Variants in OR11H2 observed in about 807,000 individuals in gnomAD.
OR11H2 encodes olfactory receptor family 11 subfamily H member 2.
For missense variants in OR11H2, 82 were observed against 370.0 expected (o/e 0.22, Z 6.39); for synonymous variants, 35 against 135.6 (o/e 0.26, Z 5.15).
At position 19,713,577 on chromosome 14, in the gene OR11H2, G is replaced by C; in HGVS notation, c.307C>G (p.Leu103Val). The C allele has an allele frequency of 2.0e-6, 3 of 1,524,498 alleles. No homozygotes were observed. The highest frequency in any genetic ancestry group is 2.3e-5 in the East Asian group (1 of 43,718). 94.4% of individuals were successfully genotyped at this position (1,524,498 alleles called of 1,614,324 possible). Residue 103 changes from leucine (L) to valine (V), a missense_variant, in exon 1 of 1, where the codon CTC (leucine) becomes GTC (valine). Transcript: ENST00000556246. ...AAAGAGAAGAAGAAATAAAACTGGA[G>C]AAAACATCCAGCAAAGGAGATGTTT... ...KKNISFAGCF[L>V]QFYFFFSLGT...
Position 19,713,106 on chromosome 14 carries a change from T to A in OR11H2, c.778A>T (p.Met260Leu), listed in dbSNP as rs777481500. 3 of 1,468,828 alleles carry A rather than the reference T, an allele frequency of 2.0e-6. No homozygotes were observed. The South Asian group carries it at 3.7e-5, about 18-fold the overall frequency. 91.0% of individuals were successfully genotyped at this position (1,468,828 alleles called of 1,614,324 possible). Residue 260 changes from methionine (M) to leucine (L), a missense_variant, in exon 1 of 1, where the codon ATG becomes TTG. By Grantham distance (15) the Met-to-Leu change is conservative. Transcript: ENST00000556246. ...AVVSLCYSPL[M>L]VMYVSPGLGH... ...AGTCCTGGGCTCACATACATGACCA[T>A]AAGAGGGCTATAGCACAGTGATACC...
At position 19,713,308 on chromosome 14, in the gene OR11H2, A is replaced by G. The variant is rs569474015; in HGVS notation, c.576T>C (p.Asp192=). The change falls in exon 1 of 1, where the codon GAT becomes GAC. Residue 192 remains aspartate (D), a synonymous_variant. Transcript: ENST00000556246. The stretch of plus-strand genomic sequence containing the variant: ...GTTGGATTCTTGGGGCAGAAACACA[A>G]TCCAATGCAAATAGTGGCCCTGGGT... ...VCDPGPLFAL[D]CVSAPRIQLF... is the part of the protein sequence containing the mutation. 1.6e-5 allele frequency: 26 copies of G among 1,611,554 alleles called. No homozygotes were observed. The East Asian group carries it at 5.8e-4, about 36-fold the overall frequency.
In OR11H2 at chr14:19,713,311, C is replaced by G. The variant is rs1424152183; in HGVS notation, c.573G>C (p.Leu191Phe). 6.2e-7 allele frequency: 1 copy of G among 1,611,354 alleles called. No individual in the cohort carries two copies. The highest frequency in any genetic ancestry group is 8.5e-7 in the Non-Finnish European group (1 of 1,179,764). ...VVCDPGPLFALDCVSAPRIQL... is the reference protein window; with the variant it reads ...VVCDPGPLFAFDCVSAPRIQL... Reference sequence around the variant, plus strand: ...GGATTCTTGGGGCAGAAACACAATCCAATGCAAATAGTGGCCCTGGGTCAC... The same window carrying G: ...GGATTCTTGGGGCAGAAACACAATCGAATGCAAATAGTGGCCCTGGGTCAC... Residue 191 changes from leucine (L) to phenylalanine (F), a missense_variant, in exon 1 of 1, where the codon TTG becomes TTC. Transcript: ENST00000556246.
chr14:19,713,360 G>C lies in OR11H2; in HGVS notation c.524C>G (p.Pro175Arg), dbSNP rs747116769. 6.2e-7 allele frequency: 1 copy of C among 1,611,132 alleles called. No homozygotes were observed. Among genetic ancestry groups the C allele is most frequent in the South Asian group, 1.1e-5 (1 of 90,966 alleles). The change falls in exon 1 of 1, where the codon CCA becomes CGA. Residue 175 changes from proline to arginine, a missense_variant. Physicochemically the swap from Pro to Arg is moderately radical, Grantham distance 103. Coordinates refer to ENST00000556246, the MANE Select transcript of OR11H2 (RefSeq NM_001197287.2). The stretch of plus-strand genomic sequence containing the variant: ...ACACACAACATGGTCAATAATGTTT[G>C]GGCCACAGAAGGGCTTCTGAGAGAT... ...VLISQKPFCG[P>R]NIIDHVVCDP...
At position 19,713,332 on chromosome 14, in the gene OR11H2, G is replaced by A. The variant is rs536890306; in HGVS notation, c.552C>T (p.Asp184=). Residue 184 remains aspartate, a synonymous_variant, in exon 1 of 1, where the codon GAC becomes GAT. Coordinates refer to ENST00000556246, the MANE Select transcript of OR11H2 (RefSeq NM_001197287.2). The part of the protein sequence containing the change: ...GPNIIDHVVC[D]PGPLFALDCV... ...AATCCAATGCAAATAGTGGCCCTGG[G>A]TCACACACAACATGGTCAATAATGT... is the stretch of plus-strand genomic sequence containing the variant. The A allele has an allele frequency of 3.1e-4, 507 of 1,611,470 alleles. 3 individuals carry two copies. The African/African-American group carries it at 6.1e-3, about 19-fold the overall frequency.
At position 19,713,313 on chromosome 14, in the gene OR11H2, A is replaced by G. The variant is rs1342287649; in HGVS notation, c.571T>C (p.Leu191=). 9 of 1,611,456 alleles carry G rather than the reference A, an allele frequency of 5.6e-6. No individual in the cohort carries two copies. The Admixed American group carries it at 1.5e-4, about 27-fold the overall frequency. ...VVCDPGPLFA[L]DCVSAPRIQL... is the part of the protein sequence containing the mutation. ...ATTCTTGGGGCAGAAACACAATCCA[A>G]TGCAAATAGTGGCCCTGGGTCACAC... The change falls in exon 1 of 1, where the codon TTG becomes CTG. Residue 191 remains leucine (L), a synonymous_variant. Coordinates refer to ENST00000556246, the MANE Select transcript of OR11H2 (RefSeq NM_001197287.2).
In OR11H2 at chr14:19,713,393, A is replaced by G. The variant is rs1194375365; in HGVS notation, c.491T>C (p.Ile164Thr). 8.1e-6 allele frequency: 13 copies of G among 1,609,586 alleles called. No individual in the cohort carries two copies. Among genetic ancestry groups the G allele is most frequent in the African/African-American group, 2.7e-5 (2 of 73,988 alleles). The change falls in exon 1 of 1, where the codon ATT becomes ACT. Residue 164 changes from isoleucine to threonine, a missense_variant. Physicochemically the swap from Ile to Thr is moderately conservative, Grantham distance 89 (BLOSUM62 -1). Coordinates refer to ENST00000556246, the MANE Select transcript of OR11H2 (RefSeq NM_001197287.2). The stretch of plus-strand genomic sequence containing the variant: ...GAAGGGCTTCTGAGAGATGAGAACA[A>G]TGGGGATCAGGAACCACAGAAATCC... Reference protein sequence around the residue: ...VCGFLWFLIPIVLISQKPFCG... With the variant: ...VCGFLWFLIPTVLISQKPFCG...
In OR11H2 at chr14:19,713,523, C is replaced by T. The variant is rs2138561820; in HGVS notation, c.361G>A (p.Val121Met). ...LGTSECLLLTVMAFDQYLAIC... is the reference protein window; with the variant it reads ...LGTSECLLLTMMAFDQYLAIC... ...GCAAGGTACTGATCAAAGGCCATCACAGTCAAAAGCAAGCATTCTGATGTA... is the reference window on the plus strand; with the variant it reads ...GCAAGGTACTGATCAAAGGCCATCATAGTCAAAAGCAAGCATTCTGATGTA... Residue 121 changes from valine to methionine, a missense_variant, in exon 1 of 1, where the codon GTG (valine) becomes ATG (methionine). Physicochemically the swap from Val to Met is conservative, Grantham distance 21. Transcript: ENST00000556246. 3 of 1,539,984 alleles carry T rather than the reference C, an allele frequency of 1.9e-6. No individual in the cohort carries two copies. Among genetic ancestry groups the T allele is most frequent in the South Asian group, 2.2e-5 (2 of 89,318 alleles).
In OR11H2 at chr14:19,713,114, C is replaced by G; in HGVS notation, c.770G>C (p.Ser257Thr). 1.4e-6 allele frequency: 2 copies of G among 1,471,114 alleles called. No individual in the cohort carries two copies. The highest frequency in any genetic ancestry group is 1.9e-6 in the Non-Finnish European group (2 of 1,072,986). The allele number at this position is 1,471,114 out of a possible 1,614,324, so 91.1% of individuals were successfully genotyped here. The change falls in exon 1 of 1, where the codon AGC (serine) becomes ACC (threonine). Residue 257 changes from serine to threonine, a missense_variant. Physicochemically the swap from Ser to Thr is moderately conservative, Grantham distance 58 (BLOSUM62 1). Transcript: ENST00000556246. ...SHLAVVSLCYSPLMVMYVSPG... is the reference protein window; with the variant it reads ...SHLAVVSLCYTPLMVMYVSPG... ...GCTCACATACATGACCATAAGAGGGCTATAGCACAGTGATACCACAGCCAA... is the reference window on the plus strand; with the variant it reads ...GCTCACATACATGACCATAAGAGGGGTATAGCACAGTGATACCACAGCCAA...
Position 19,713,148 on chromosome 14 carries a change from C to A in OR11H2, c.736G>T (p.Gly246Trp). 2 of 1,578,148 alleles carry A rather than the reference C, an allele frequency of 1.3e-6. No individual in the cohort carries two copies. Among genetic ancestry groups the A allele is most frequent in the Non-Finnish European group, 8.7e-7 (1 of 1,154,616 alleles). ...AGTGATACCACAGCCAAATGAGACC[C>A]ACAGGTAGAGAAGGCCTTATGTCTC... ...TGRHKAFSTC[G>W]SHLAVVSLCY... The change falls in exon 1 of 1, where the codon GGG (glycine) becomes TGG (tryptophan). Residue 246 changes from glycine (G) to tryptophan (W), a missense_variant. Transcript: ENST00000556246.
rs1227204927 is a variant in OR11H2 at position 19,713,345 on chromosome 14, T to C, written c.539A>G (p.His180Arg). 8.7e-6 allele frequency: 14 copies of C among 1,611,244 alleles called. No homozygotes were observed. The South Asian group carries it at 1.3e-4, about 15-fold the overall frequency. ...KPFCGPNIID[H>R]VVCDPGPLFA... Reference sequence around the variant, plus strand: ...TAGTGGCCCTGGGTCACACACAACATGGTCAATAATGTTTGGGCCACAGAA... The same window carrying C: ...TAGTGGCCCTGGGTCACACACAACACGGTCAATAATGTTTGGGCCACAGAA... The change falls in exon 1 of 1, where the codon CAT (histidine) becomes CGT (arginine). Residue 180 changes from histidine (H) to arginine (R), a missense_variant. Physicochemically the swap from His to Arg is conservative, Grantham distance 29 (BLOSUM62 0). Transcript: ENST00000556246.
Position 19,713,072 on chromosome 14 carries a change from G to C in OR11H2, c.812C>G (p.Ser271Cys), listed in dbSNP as rs775387342. The change falls in exon 1 of 1, where the codon TCT becomes TGT. Residue 271 changes from serine to cysteine, a missense_variant. Coordinates refer to ENST00000556246, the MANE Select transcript of OR11H2 (RefSeq NM_001197287.2). ...AGTTTCAATTTTCTGCATCCCTGTA[G>C]AATGTCCGAGTCCTGGGCTCACATA... ...VMYVSPGLGH[S>C]TGMQKIETLF... is the part of the protein sequence containing the mutation. 6.5e-7 allele frequency: 1 copy of C among 1,534,306 alleles called. No homozygotes were observed. The highest frequency in any genetic ancestry group is 1.7e-5 in the Admixed American group (1 of 58,098).
chr14:19,713,436 T>A lies in OR11H2; in HGVS notation c.448A>T (p.Ile150Leu). Residue 150 changes from isoleucine (I) to leucine (L), a missense_variant, in exon 1 of 1, where the codon ATA (isoleucine) becomes TTA (leucine). Coordinates refer to ENST00000556246, the MANE Select transcript of OR11H2 (RefSeq NM_001197287.2). ...MTGHLYAKLV[I>L]LCWVCGFLWF... ...AGAAATCCACAAACCCAGCACAGTA[T>A]GACCAGTTTGGCATAGAGATGCCCA... 2 of 1,588,248 alleles carry A rather than the reference T, an allele frequency of 1.3e-6. No individual in the cohort carries two copies. Among genetic ancestry groups the A allele is most frequent in the South Asian group, 1.1e-5 (1 of 90,704 alleles).
In OR11H2 at chr14:19,713,638, A is replaced by T; in HGVS notation, c.246T>A (p.Val82=). Reference sequence around the variant, plus strand: ...AAAGGAAGTTGACCAACATCTTGGGAACTGTAGAAGAGACATACCATATCT... The same window carrying T: ...AAAGGAAGTTGACCAACATCTTGGGTACTGTAGAAGAGACATACCATATCT... ...FLEIWYVSST[V]PKMLVNFLSE... Residue 82 remains valine, a synonymous_variant, in exon 1 of 1, where the codon GTT becomes GTA. Coordinates refer to ENST00000556246, the MANE Select transcript of OR11H2 (RefSeq NM_001197287.2). 7.5e-7 allele frequency: 1 copy of T among 1,328,370 alleles called. No homozygotes were observed. Among genetic ancestry groups the T allele is most frequent in the South Asian group, 1.3e-5 (1 of 78,014 alleles). 82.3% of individuals were successfully genotyped at this position (1,328,370 alleles called of 1,614,324 possible). A position where few individuals can be genotyped will look rare whatever the true frequency, so the allele number is the denominator to read the frequency against.
Position 19,713,086 on chromosome 14 carries a change from TG to T in OR11H2, c.797del (p.Pro266GlnfsTer20), listed in dbSNP as rs1876430117. 1 of 1,496,844 alleles carries T rather than the reference TG, an allele frequency of 6.7e-7. No homozygotes were observed. The highest frequency in any genetic ancestry group is 1.7e-5 in the Admixed American group (1 of 57,628). The allele number at this position is 1,496,844 out of a possible 1,614,324, so 92.7% of individuals were successfully genotyped here. ...YSPLMVMYVSPGLGHSTGMQK... is the reference protein window; with the variant it reads ...YSPLMVMYVSXGLGHSTGMQK... ...GCATCCCTGTAGAATGTCCGAGTCC[TG>T]GGCTCACATACATGACCATAAGAGG... On this transcript the variant is annotated frameshift_variant, in exon 1 of 1. Transcript: ENST00000556246. LOFTEE classifies it high-confidence loss of function.
chr14:19,713,806 TG>T lies in OR11H2; in HGVS notation c.77del (p.Thr26LysfsTer16). 8.6e-7 allele frequency: 1 copy of T among 1,164,704 alleles called. No individual in the cohort carries two copies. 72.1% of individuals were successfully genotyped at this position (1,164,704 alleles called of 1,614,324 possible). A position where few individuals can be genotyped will look rare whatever the true frequency, so the allele number is the denominator to read the frequency against. ...AGAGTGAGAAGAGGAAGATCTGAAT[TG>T]TCCACTCACAAGAGAAACCTTGGAG... ...FILQGFSCEW[T>X]IQIFLFSLFT... On this transcript the variant is annotated frameshift_variant, in exon 1 of 1. Transcript: ENST00000556246. LOFTEE classifies it high-confidence loss of function.
chr14:19,713,373 G>C lies in OR11H2; in HGVS notation c.511C>G (p.Pro171Ala), dbSNP rs1473799114. The C allele has an allele frequency of 6.2e-7, 1 of 1,610,248 alleles. No individual in the cohort carries two copies. The highest frequency in any genetic ancestry group is 2.2e-5 in the East Asian group (1 of 44,828). The change falls in exon 1 of 1, where the codon CCC becomes GCC. Residue 171 changes from proline (P) to alanine (A), a missense_variant. Transcript: ENST00000556246. ...TCAATAATGTTTGGGCCACAGAAGG[G>C]CTTCTGAGAGATGAGAACAATGGGG... Reference protein sequence around the residue: ...LIPIVLISQKPFCGPNIIDHV... With the variant: ...LIPIVLISQKAFCGPNIIDHV...
In OR11H2 at chr14:19,713,817, A is replaced by G. The variant is rs752359256; in HGVS notation, c.67T>C (p.Cys23Arg). ...VNEFILQGFS[C>R]EWTIQIFLFS... is the part of the protein sequence containing the mutation. ...AGGAAGATCTGAATTGTCCACTCAC[A>G]AGAGAAACCTTGGAGTATAAATTCA... The change falls in exon 1 of 1, where the codon TGT becomes CGT. Residue 23 changes from cysteine to arginine, a missense_variant. Transcript: ENST00000556246. 5.7e-6 allele frequency: 7 copies of G among 1,218,060 alleles called. No individual in the cohort carries two copies. Among genetic ancestry groups the G allele is most frequent in the South Asian group, 5.5e-5 (4 of 73,022 alleles). 75.5% of individuals were successfully genotyped at this position (1,218,060 alleles called of 1,614,324 possible). A position where few individuals can be genotyped will look rare whatever the true frequency, so the allele number is the denominator to read the frequency against.
Position 19,713,407 on chromosome 14 carries a change from C to A in OR11H2, c.477G>T (p.Trp159Cys), listed in dbSNP as rs758606563. The A allele has an allele frequency of 6.2e-6, 10 of 1,609,858 alleles. No homozygotes were observed. Among genetic ancestry groups the A allele is most frequent in the East Asian group, 2.2e-5 (1 of 44,784 alleles). Reference sequence around the variant, plus strand: ...AGATGAGAACAATGGGGATCAGGAACCACAGAAATCCACAAACCCAGCACA... The same window carrying A: ...AGATGAGAACAATGGGGATCAGGAAACACAGAAATCCACAAACCCAGCACA... ...VILCWVCGFLWFLIPIVLISQ... is the reference protein window; with the variant it reads ...VILCWVCGFLCFLIPIVLISQ... The change falls in exon 1 of 1, where the codon TGG (tryptophan) becomes TGT (cysteine). Residue 159 changes from tryptophan to cysteine, a missense_variant. Coordinates refer to ENST00000556246, the MANE Select transcript of OR11H2 (RefSeq NM_001197287.2).
Sources: allele counts gnomAD v4.1 joint callset, GRCh38; gene constraint gnomAD v4.1.1; transcripts MANE v1.5; gene names NCBI Gene and HGNC (gene_info 2026-07-23, HGNC 2026-07-21).